CYP1B1: variants seen among roughly 807,000 people sequenced by gnomAD.
CYP1B1 encodes cytochrome P450 family 1 subfamily B member 1.
CYP1B1 carries 22 observed loss-of-function variants against 29.9 expected under a neutral mutation model. The observed-to-expected ratio is 0.74, with a 90% CI of 0.53 to 1.05. CYP1B1 has a LOEUF of 1.05. Among genes scored for constraint, CYP1B1 ranks in the 50% least tolerant of loss-of-function variants. The pLI is 0.00. For missense variants in CYP1B1, 883 were observed against 746.9 expected (o/e 1.18, Z -2.12); for synonymous variants, 375 against 320.0 (o/e 1.17, Z -1.83).
At position 38,075,366 on chromosome 2, in the gene CYP1B1, T is replaced by C; in HGVS notation, c.23A>G (p.Asn8Ser). 6 of 1,612,996 alleles carry C rather than the reference T, an allele frequency of 3.7e-6. No individual in the cohort carries two copies. The highest frequency in any genetic ancestry group is 5.1e-6 in the Non-Finnish European group (6 of 1,179,964). Residue 8 changes from asparagine to serine, a missense_variant, in exon 2 of 3, where the codon AAC becomes AGC. By Grantham distance (46) the Asn-to-Ser change is conservative. Coordinates refer to ENST00000610745, the MANE Select transcript of CYP1B1 (RefSeq NM_000104.4). MGTSLSP[N>S]DPWPLNPLSI... is the part of the protein sequence containing the mutation. Reference sequence around the variant, plus strand: ...CAGCGGGTTTAGCGGCCAAGGGTCGTTCGGGCTGAGGCTGGTGCCCATGCT... The same window carrying C: ...CAGCGGGTTTAGCGGCCAAGGGTCGCTCGGGCTGAGGCTGGTGCCCATGCT...
In CYP1B1 at chr2:38,070,712, C is replaced by T; in HGVS notation, c.*10G>A. 2 of 1,612,690 alleles carry T rather than the reference C, an allele frequency of 1.2e-6. No individual in the cohort carries two copies. Among genetic ancestry groups the T allele is most frequent in the Non-Finnish European group, 1.7e-6 (2 of 1,178,672 alleles). ...GAATATTTCTAAAATTTCAGCTTGC[C>T]TCTTGCTTCTTATTGGCAAGTTTCC... On this transcript the variant is annotated 3_prime_UTR_variant, in exon 3 of 3. Coordinates refer to ENST00000610745, the MANE Select transcript of CYP1B1 (RefSeq NM_000104.4).
chr2:38,075,473 GAC>G, intron 1 of CYP1B1, 84 bp from the exon 2 acceptor site: 3 of 1,406,568 alleles, frequency 2.1e-6, no homozygotes, highest in Non-Finnish European at 3.0e-6. Flanking sequence ...AGCCTCTGGG[GAC>G]TGAGTGCCGT....
rs758955269 is a variant in CYP1B1, at chr2:38,070,122, G to A, written c.*600C>T. 2.7e-5 allele frequency: 6 copies of A among 219,024 alleles called. No homozygotes were observed. The highest frequency in any genetic ancestry group is 5.5e-5 in the Non-Finnish European group (6 of 109,044). 13.6% of individuals were successfully genotyped at this position (219,024 alleles called of 1,614,324 possible). On this transcript the variant is annotated 3_prime_UTR_variant, in exon 3 of 3. Transcript: ENST00000610745. Reference sequence around the variant, plus strand: ...TCCTTAAAAGTAAGGAAGTATACCAGAAGGCAAAAGGATAAATCCACCCAT... The same window carrying A: ...TCCTTAAAAGTAAGGAAGTATACCAAAAGGCAAAAGGATAAATCCACCCAT...
rs778202993 is a variant in CYP1B1 at position 38,074,549 on chromosome 2, G to T, written c.840C>A (p.Cys280Ter). The change falls in exon 2 of 3, where the codon TGC (cysteine) becomes TGA (stop). Residue 280 changes from cysteine (C) to a stop codon, truncating the protein, a stop_gained. Coordinates refer to ENST00000610745, the MANE Select transcript of CYP1B1 (RefSeq NM_000104.4). LOFTEE classifies it high-confidence loss of function. Reference sequence around the variant, plus strand: ...GGGCGGCCCCGGGCCGAAGGCTTTCGCAGTGCCTCAAGAACTTGTCCAGGA... The same window carrying T: ...GGGCGGCCCCGGGCCGAAGGCTTTCTCAGTGCCTCAAGAACTTGTCCAGGA... ...NFILDKFLRH[C>*]ESLRPGAAPR... 8.1e-6 allele frequency: 13 copies of T among 1,608,884 alleles called. No individual in the cohort carries two copies. Among genetic ancestry groups the T allele is most frequent in the East Asian group, 6.7e-5 (3 of 44,686 alleles).
Position 38,071,100 on chromosome 2 carries a change from A to C in CYP1B1, c.1254T>G (p.Thr418=). The C allele has an allele frequency of 6.2e-7, 1 of 1,612,700 alleles. No individual in the cohort carries two copies. Among genetic ancestry groups the C allele is most frequent in the Non-Finnish European group, 8.5e-7 (1 of 1,178,748 alleles). Residue 418 remains threonine (T), a synonymous_variant, in exon 3 of 3, where the codon ACT becomes ACG. Coordinates refer to ENST00000610745, the MANE Select transcript of CYP1B1 (RefSeq NM_000104.4). ...SVLGYHIPKD[T]VVFVNQWSVN... ...CAGACCACTGGTTGACAAAAACCAC[A>C]GTGTCCTTGGGAATGTGGTAGCCCA...
At chr2:38,073,284 C>G (rs914011478) in intron 2 of CYP1B1, among the ~76,000 whole-genome samples, 6 of 152,214 alleles carry the variant, frequency 3.9e-5, no homozygotes, top group Non-Finnish European at 7.3e-5. Flanking sequence ...GCCTTCCAAA[C>G]ACCTTTCTGT....
chr2:38,072,344 G>C (rs1481849639), intron 2 of CYP1B1, among the ~76,000 whole-genome samples: 3 of 152,064 alleles, frequency 2.0e-5, no homozygotes, highest in Non-Finnish European at 4.4e-5. Flanking sequence ...GTAAGGTAGT[G>C]AGACCCTGTC....
intron 2 of CYP1B1, 40 bp from the exon 3 acceptor site, chr2:38,071,350 C>G (rs762973729): frequency 6.4e-7 from 1 of 1,571,384 alleles, no homozygotes; most frequent in Non-Finnish European, 8.7e-7. Context: ...AGCAAGTGAG[C>G]AAAATTCTTA....
In CYP1B1 at chr2:38,068,380, A is replaced by T. The variant is rs1330273503; in HGVS notation, c.*2342T>A. On this transcript the variant is annotated 3_prime_UTR_variant, in exon 3 of 3. Transcript: ENST00000610745. ...ACACAGCTTTCCTTTTGCCGCAAGC[A>T]TCTGATGACGACTGGGCCTACATAC... The T allele has an allele frequency of 2.2e-5, 5 of 228,084 alleles. No homozygotes were observed. Among genetic ancestry groups the T allele is most frequent in the African/African-American group, 1.1e-4 (5 of 45,044 alleles). The allele number at this position is 228,084 out of a possible 1,614,324, so 14.1% of individuals were successfully genotyped here.
chr2:38,073,570 T>A (rs1172988333), intron 2 of CYP1B1: 1 of 152,286 alleles, frequency 6.6e-6, no homozygotes, highest in Non-Finnish European at 1.5e-5. Flanking sequence ...AATCCGTGCT[T>A]AGTAGAGACC....
chr2:38,075,463 A>C, intron 1 of CYP1B1, 74 bp from the exon 2 acceptor site: 1 of 1,488,872 alleles, frequency 6.7e-7, no homozygotes, highest in Non-Finnish European at 9.2e-7. Flanking sequence ...CCCCTACCCC[A>C]GCCTCTGGGG....
In CYP1B1 at chr2:38,069,666, C is replaced by CA. The variant is rs1682387105; in HGVS notation, c.*1055dup. On this transcript the variant is annotated 3_prime_UTR_variant, in exon 3 of 3. Coordinates refer to ENST00000610745, the MANE Select transcript of CYP1B1 (RefSeq NM_000104.4). ...AAGAAACCCTGCTTCATTTCCATGT[C>CA]AAAAATAGGTGGTTGATTTAATCAA... 1 of 201,970 alleles carries CA rather than the reference C, an allele frequency of 5.0e-6. No homozygotes were observed. The highest frequency in any genetic ancestry group is 1.0e-5 in the Non-Finnish European group (1 of 98,292). The allele number at this position is 201,970 out of a possible 1,614,324, so 12.5% of individuals were successfully genotyped here. A position where few individuals can be genotyped will look rare whatever the true frequency, so the allele number is the denominator to read the frequency against.
chr2:38,074,323 C>A (rs777516833), intron 2 of CYP1B1, 23 bp downstream of exon 2: 2 of 1,611,000 alleles, frequency 1.2e-6, no homozygotes, highest in African/African-American at 1.3e-5. Context: ...AAAGACCTGG[C>A]CCACGCCTCC....
rs1358698724 is a variant in CYP1B1 at position 38,070,987 on chromosome 2, A to G, written c.1367T>C (p.Leu456Pro). ...TGAAAAAATCATCACTCTGCTGGTC[A>G]GGTCCTTGTTGATGAGGCCATCCTT... ...LDKDGLINKDLTSRVMIFSVG... is the reference protein window; with the variant it reads ...LDKDGLINKDPTSRVMIFSVG... The change falls in exon 3 of 3, where the codon CTG (leucine) becomes CCG (proline). Residue 456 changes from leucine (L) to proline (P), a missense_variant. Leu to Pro is a moderately conservative substitution (Grantham distance 98). Transcript: ENST00000610745. 1 of 1,614,052 alleles carries G rather than the reference A, an allele frequency of 6.2e-7. No individual in the cohort carries two copies. The highest frequency in any genetic ancestry group is 8.5e-7 in the Non-Finnish European group (1 of 1,180,026).
rs373628592 is a variant in CYP1B1, at chr2:38,071,321, T to G, written c.1044-11A>C. 154 of 1,612,160 alleles carry G rather than the reference T, an allele frequency of 9.6e-5. 1 individual carries two copies. The Middle Eastern group carries it at 2.0e-3, about 21-fold the overall frequency. On this transcript the variant is annotated splice_polypyrimidine_tract_variant and intron_variant, in intron 2 of 2. Transcript: ENST00000610745. ...TGCACATCAGGATACCTGTTTGGTGTTTAATGTGGAGAGAGAAAAGCAAGT... is the reference window on the plus strand; with the variant it reads ...TGCACATCAGGATACCTGTTTGGTGGTTAATGTGGAGAGAGAAAAGCAAGT...
At chr2:38,073,607 C>T (rs1391038977) in intron 2 of CYP1B1, 1 of 152,310 alleles carries the variant, frequency 6.6e-6, no homozygotes, top group Non-Finnish European at 1.5e-5. Context: ...GGTCCGCTAA[C>T]TGAGCCAAGC....
At position 38,069,763 on chromosome 2, in the gene CYP1B1, T is replaced by C. The variant is rs1438220860; in HGVS notation, c.*959A>G. ...TCAATATTATACAAGGCATATATTA[T>C]TCAACCTTTTCCTGAACAAGATAAT... is the stretch of plus-strand genomic sequence containing the variant. On this transcript the variant is annotated 3_prime_UTR_variant, in exon 3 of 3. Transcript: ENST00000610745. 2.5e-5 allele frequency: 5 copies of C among 197,398 alleles called. No homozygotes were observed. Among genetic ancestry groups the C allele is most frequent in the Non-Finnish European group, 5.2e-5 (5 of 95,324 alleles). The allele number at this position is 197,398 out of a possible 1,614,324, so 12.2% of individuals were successfully genotyped here. A position where few individuals can be genotyped will look rare whatever the true frequency, so the allele number is the denominator to read the frequency against.
At chr2:38,073,297 C>G (rs1403326264) in intron 2 of CYP1B1, 1 of 152,302 alleles carries the variant, frequency 6.6e-6, no homozygotes, top group South Asian at 2.1e-4. Context: ...CTTTCTGTGG[C>G]GCCTGCAGAT....
rs762767808 is a variant in CYP1B1, at chr2:38,070,972, A to G, written c.1382T>C (p.Met461Thr). ...LINKDLTSRV[M>T]IFSVGKRRCI... ...CCGCCTTTTGCCCACTGAAAAAATC[A>G]TCACTCTGCTGGTCAGGTCCTTGTT... Residue 461 changes from methionine to threonine, a missense_variant, in exon 3 of 3, where the codon ATG becomes ACG. Transcript: ENST00000610745. The G allele has an allele frequency of 6.2e-7, 1 of 1,614,094 alleles. No individual in the cohort carries two copies. Among genetic ancestry groups the G allele is most frequent in the Non-Finnish European group, 8.5e-7 (1 of 1,179,944 alleles).
Sources: gnomAD v4.1 joint callset for allele counts (sites outside exome capture counted in the v4.1 genomes callset) on GRCh38, gnomAD v4.1.1 for gene constraint, MANE v1.5 for transcripts, NCBI Gene and HGNC (gene_info 2026-07-23, HGNC 2026-07-21) for gene names.